Variants in ANKFN1 observed in about 807,000 individuals in gnomAD.
ANKFN1 encodes ankyrin repeat and fibronectin type III domain containing 1.
ANKFN1 carries 74 observed loss-of-function variants against 108.7 expected under a neutral mutation model. That is an observed-to-expected ratio of 0.68 (90% CI 0.56 to 0.83). The LOEUF is 0.83. Among genes scored for constraint, ANKFN1 ranks in the 40% least tolerant of loss-of-function variants. ANKFN1 has a pLI of 0.00. For missense variants in ANKFN1, 1,505 were observed against 1,382.3 expected, an observed-to-expected ratio of 1.09 and a Z score of -1.41; for synonymous variants, 547 against 516.2, an observed-to-expected ratio of 1.06 and a Z score of -0.81.
intron 3 of ANKFN1, among the ~76,000 whole-genome samples, chr17:56,321,203 A>C (rs2045356960): frequency 6.6e-6 from 1 of 152,112 alleles, no homozygotes; most frequent in Non-Finnish European, 1.5e-5. Flanking sequence ...CTTCGCACAT[A>C]ATAAGCATAT....
intron 3 of ANKFN1, among the ~76,000 whole-genome samples, chr17:56,278,496 G>T (rs1367211439): frequency 6.6e-6 from 1 of 152,170 alleles, no homozygotes; most frequent in African/African-American, 2.4e-5. Flanking sequence ...ACTTCAAAAT[G>T]TTGCTGGTCT....
At chr17:56,295,662 C>G (rs993258236) in intron 3 of ANKFN1, among the ~76,000 whole-genome samples, 9 of 152,116 alleles carry the variant, frequency 5.9e-5, no homozygotes, top group Admixed American at 4.6e-4. Context: ...TTTTGTGCTG[C>G]TATAACAGAA....
intron 4 of ANKFN1, among the ~76,000 whole-genome samples, chr17:56,346,672 T>C (rs2046109454): frequency 6.6e-6 from 1 of 152,076 alleles, no homozygotes. Flanking sequence ...TGGTTCTCTT[T>C]GCTGTTATGG....
intron 8 of ANKFN1, among the ~76,000 whole-genome samples, chr17:56,412,706 C>G (rs2048129047): frequency 6.6e-6 from 1 of 152,218 alleles, no homozygotes; most frequent in Non-Finnish European, 1.5e-5. Context: ...TGGCCACGAA[C>G]TGAAGGCTGC....
chr17:56,484,448 T>G (rs2050799472), intron 18 of ANKFN1, among the ~76,000 whole-genome samples: 1 of 152,054 alleles, frequency 6.6e-6, no homozygotes, highest in South Asian at 2.1e-4. Context: ...AAGGGAGAAG[T>G]CTAAAGAATA....
intron 1 of ANKFN1, among the ~76,000 whole-genome samples, chr17:56,174,752 A>G (rs1910980114): frequency 6.6e-6 from 1 of 152,100 alleles, no homozygotes. Flanking sequence ...ACAAAGATTG[A>G]TCTCCCTAGC....
At chr17:56,397,441 T>C (rs1197818624) in intron 8 of ANKFN1, among the ~76,000 whole-genome samples, 2 of 152,244 alleles carry the variant, frequency 1.3e-5, no homozygotes, top group East Asian at 3.8e-4. Flanking sequence ...AAGGATTTAG[T>C]CTGTTCTACA....
intron 8 of ANKFN1, among the ~76,000 whole-genome samples, chr17:56,376,439 C>T (rs1018473922): frequency 1.3e-5 from 2 of 152,174 alleles, no homozygotes; most frequent in East Asian, 3.9e-4. Context: ...ACTCTGATAC[C>T]TTTTCTTGGT....
chr17:56,420,089 C>A (rs2048356125), intron 8 of ANKFN1, among the ~76,000 whole-genome samples: 1 of 152,182 alleles, frequency 6.6e-6, no homozygotes, highest in Non-Finnish European at 1.5e-5. Flanking sequence ...TGCCTTCATG[C>A]CATTGCACCA....
intron 18 of ANKFN1, among the ~76,000 whole-genome samples, chr17:56,490,358 G>A (rs1453810313): frequency 1.3e-5 from 2 of 152,130 alleles, no homozygotes. Context: ...TTGACCTGGA[G>A]GTATTAGTAA....
intron 4 of ANKFN1, among the ~76,000 whole-genome samples, chr17:56,122,723 T>G (rs1906698790): frequency 6.6e-6 from 1 of 152,336 alleles, no homozygotes; most frequent in East Asian, 1.9e-4. Flanking sequence ...TCAAATAGTC[T>G]AATTAATCCA....
At chr17:56,304,185 C>T (rs938412661) in intron 3 of ANKFN1, among the ~76,000 whole-genome samples, 2 of 152,180 alleles carry the variant, frequency 1.3e-5, no homozygotes, top group Non-Finnish European at 2.9e-5. Flanking sequence ...TAACTCCTGA[C>T]AACCACTAAT....
intron 1 of ANKFN1, among the ~76,000 whole-genome samples, chr17:56,156,744 T>C (rs1364042660): frequency 6.6e-6 from 1 of 152,186 alleles, no homozygotes; most frequent in Non-Finnish European, 1.5e-5. Context: ...CTTTTACGCT[T>C]AGAGTTAGCA....
chr17:56,418,178 C>A (rs2048296567), intron 8 of ANKFN1, among the ~76,000 whole-genome samples: 2 of 152,146 alleles, frequency 1.3e-5, no homozygotes. Context: ...TGTTCTTCCA[C>A]ATTTAAATAA....
intron 1 of ANKFN1, among the ~76,000 whole-genome samples, chr17:56,199,055 A>G (rs897247125): frequency 2.0e-5 from 3 of 152,226 alleles, no homozygotes; most frequent in African/African-American, 4.8e-5. Context: ...AAATTTTGAG[A>G]AAATTTATGT....
chr17:56,060,218 T>C (rs1904949161), intron 4 of ANKFN1, among the ~76,000 whole-genome samples: 2 of 152,238 alleles, frequency 1.3e-5, no homozygotes, highest in African/African-American at 4.8e-5. Flanking sequence ...CATTCATGAT[T>C]TGGCTCTCTG....
Position 56,374,695 on chromosome 17 carries a change from T to C in ANKFN1, c.891T>C (p.Ala297=). The C allele has an allele frequency of 6.2e-7, 1 of 1,613,566 alleles. No homozygotes were observed. The highest frequency in any genetic ancestry group is 8.5e-7 in the Non-Finnish European group (1 of 1,179,500). ...AAGAGCCTCTTAGCGTCAATGCAGC[T>C]GTAGTAACCAGGTATAAAGGTACTG... ...SFQEPLSVNA[A]VVTRYKVEWS... The change falls in exon 8 of 21, where the codon GCT becomes GCC. Residue 297 remains alanine (A), a synonymous_variant. Transcript: ENST00000682825.
At chr17:56,396,594 A>G (rs962065114) in intron 8 of ANKFN1, among the ~76,000 whole-genome samples, 2 of 152,094 alleles carry the variant, frequency 1.3e-5, no homozygotes, top group African/African-American at 2.4e-5. Flanking sequence ...AATAATTATT[A>G]TAATATTATT....
Position 56,456,864 on chromosome 17 carries a change from G to A in ANKFN1, c.1211G>A (p.Ser404Asn). The A allele has an allele frequency of 6.2e-7, 1 of 1,613,726 alleles. No individual in the cohort carries two copies. Among genetic ancestry groups the A allele is most frequent in the African/African-American group, 1.3e-5 (1 of 74,988 alleles). The change falls in exon 12 of 21, where the codon AGC becomes AAC. Residue 404 changes from serine to asparagine, a missense_variant. By Grantham distance (46) the Ser-to-Asn change is conservative. Transcript: ENST00000682825. ...ALHQHYSCRE[S>N]TKLQTTGRKQ... ...TATTTTTTAAAATACATTCCAGAAA[G>A]CACAAAATTACAAACCACAGGCCGC...
Sources: gnomAD v4.1 joint callset for allele counts (sites outside exome capture counted in the v4.1 genomes callset) on GRCh38, gnomAD v4.1.1 for gene constraint, MANE v1.5 for transcripts, NCBI Gene and HGNC (gene_info 2026-07-23, HGNC 2026-07-21) for gene names.